Variants in TRPM3 observed in about 807,000 individuals in gnomAD.
The protein encoded by TRPM3 is long transient receptor potential channel 3.
In TRPM3, 77 loss-of-function variants were observed where a neutral mutation model predicts 181.2. The observed-to-expected ratio is 0.42, with a 90% CI of 0.35 to 0.51. The LOEUF (loss-of-function observed/expected upper bound fraction) is 0.51. TRPM3 is among the 20% of genes least tolerant of loss of function. The pLI is 0.01. For synonymous variants in TRPM3, 745 were observed against 796.4 expected (o/e 0.94, Z 1.09); for missense variants, 1,759 against 2,196.7 (o/e 0.80, Z 3.98).
intron 1 of TRPM3, among the ~76,000 whole-genome samples, chr9:71,166,650 A>C (rs1196111606): frequency 2.0e-5 from 3 of 152,226 alleles, no homozygotes; most frequent in Non-Finnish European, 4.4e-5. Flanking sequence ...TGAAGAAATA[A>C]AAATATAATG....
At chr9:71,315,952 C>G (rs2088548098) in intron 1 of TRPM3, among the ~76,000 whole-genome samples, 1 of 151,948 alleles carries the variant, frequency 6.6e-6, no homozygotes, top group South Asian at 2.1e-4. Context: ...TCCTGTGGAC[C>G]CTAAATATAC....
chr9:70,699,477 T>G (rs902925737), intron 8 of TRPM3, among the ~76,000 whole-genome samples: 1 of 152,138 alleles, frequency 6.6e-6, no homozygotes, highest in Non-Finnish European at 1.5e-5. Flanking sequence ...AGGCAACTTA[T>G]AAAAAATCAA....
chr9:71,025,121 C>T (rs888853074), intron 1 of TRPM3, among the ~76,000 whole-genome samples: 1 of 152,184 alleles, frequency 6.6e-6, no homozygotes, highest in African/African-American at 2.4e-5. Context: ...GTATTTATTT[C>T]TTACCAAAGT....
chr9:70,979,670 C>T (rs532951620), intron 1 of TRPM3, among the ~76,000 whole-genome samples: 14 of 152,290 alleles, frequency 9.2e-5, no homozygotes, highest in Non-Finnish European at 1.8e-4. Context: ...CCACCCCCTA[C>T]CCACACAAAC....
intron 22 of TRPM3, among the ~76,000 whole-genome samples, chr9:70,568,199 A>G (rs558127524): frequency 6.6e-6 from 1 of 152,378 alleles, no homozygotes; most frequent in Admixed American, 6.5e-5. Flanking sequence ...ACATGCACAG[A>G]CACAAGGCAA....
At chr9:70,690,637 A>C (rs1409553079) in intron 8 of TRPM3, among the ~76,000 whole-genome samples, 3 of 152,182 alleles carry the variant, frequency 2.0e-5, no homozygotes, top group African/African-American at 7.2e-5. Flanking sequence ...CCGCCAGCTT[A>C]GCATAATGTT....
At chr9:70,555,086 T>A (rs913374756) in intron 22 of TRPM3, among the ~76,000 whole-genome samples, 1 of 152,196 alleles carries the variant, frequency 6.6e-6, no homozygotes, top group Non-Finnish European at 1.5e-5. Flanking sequence ...CAAACTGGAC[T>A]GAGTTTCCTG....
At chr9:70,633,202 C>T (rs1199037367) in intron 12 of TRPM3, among the ~76,000 whole-genome samples, 1 of 152,132 alleles carries the variant, frequency 6.6e-6, no homozygotes, top group East Asian at 1.9e-4. Flanking sequence ...GGAGAGAATA[C>T]TCCAAGTCAT....
At chr9:71,036,117 A>C (rs947761594) in intron 1 of TRPM3, among the ~76,000 whole-genome samples, 1 of 151,490 alleles carries the variant, frequency 6.6e-6, no homozygotes, top group African/African-American at 2.4e-5. Context: ...TCTATCTTCT[A>C]AGCATTTAAG....
chr9:70,849,124 A>C (rs979972877), intron 3 of TRPM3, among the ~76,000 whole-genome samples: 7 of 152,132 alleles, frequency 4.6e-5, no homozygotes, highest in Non-Finnish European at 8.8e-5. Context: ...CCTTCACTGA[A>C]GGAAGTTGTT....
At chr9:71,205,531 G>C (rs1444241801) in intron 1 of TRPM3, among the ~76,000 whole-genome samples, 3 of 152,090 alleles carry the variant, frequency 2.0e-5, no homozygotes, top group African/African-American at 7.2e-5. Context: ...AAGTTTGTTG[G>C]CCAAACACTT....
intron 22 of TRPM3, among the ~76,000 whole-genome samples, chr9:70,579,002 ACTGCCC>A: frequency 6.6e-6 from 1 of 152,152 alleles, no homozygotes; most frequent in East Asian, 1.9e-4. Context: ...AGGGGGTGCA[ACTGCCC>A]CTGGTTGAGA....
At chr9:71,210,576 A>G (rs747466869) in intron 1 of TRPM3, among the ~76,000 whole-genome samples, 7 of 152,094 alleles carry the variant, frequency 4.6e-5, no homozygotes, top group Non-Finnish European at 1.0e-4. Context: ...GAGGCCCCAG[A>G]GTTTTGACCC....
intron 1 of TRPM3, among the ~76,000 whole-genome samples, chr9:70,995,827 C>T (rs1458893003): frequency 6.6e-6 from 1 of 152,156 alleles, no homozygotes; most frequent in Non-Finnish European, 1.5e-5. Flanking sequence ...CACACAAATG[C>T]TTATTTACTT....
intron 1 of TRPM3, among the ~76,000 whole-genome samples, chr9:71,218,446 T>G (rs545175364): frequency 2.6e-5 from 4 of 152,350 alleles, no homozygotes; most frequent in Admixed American, 6.5e-5. Flanking sequence ...TTGCCCAAGG[T>G]AACATCATAA....
At chr9:71,227,939 T>G (rs2080796708) in intron 1 of TRPM3, among the ~76,000 whole-genome samples, 1 of 152,130 alleles carries the variant, frequency 6.6e-6, no homozygotes, top group Non-Finnish European at 1.5e-5. Context: ...ATTCTAACTA[T>G]TCCAAAAAAA....
intron 3 of TRPM3, among the ~76,000 whole-genome samples, chr9:70,848,608 G>T (rs1005794679): frequency 5.9e-5 from 9 of 152,160 alleles, no homozygotes; most frequent in Non-Finnish European, 1.3e-4. Context: ...CATGTACAAA[G>T]AATAGTCATT....
In TRPM3 at chr9:70,547,375, C is replaced by T. The variant is rs548424849; in HGVS notation, c.3707+2167G>A. On this transcript the variant is annotated intron_variant, in intron 25 of 25. Transcript: ENST00000677713. ...AAGACAGGTGATTTCACCTGCCACT[C>T]CACTCAGAAAGGACATGTTCTAGAA... 6.6e-5 allele frequency among the ~76,000 whole-genome samples: 10 copies of T among 152,148 alleles called. No homozygotes were observed. The South Asian group carries it at 2.1e-3, about 32-fold the overall frequency.
At chr9:71,265,190 A>G (rs1179386399) in intron 1 of TRPM3, among the ~76,000 whole-genome samples, 1 of 152,230 alleles carries the variant, frequency 6.6e-6, no homozygotes, top group Non-Finnish European at 1.5e-5. Context: ...TACTTACAAA[A>G]TATGTTATAC....
Sources: gnomAD v4.1 joint callset for allele counts (sites outside exome capture counted in the v4.1 genomes callset) on GRCh38, gnomAD v4.1.1 for gene constraint, MANE v1.5 for transcripts, NCBI Gene and HGNC (gene_info 2026-07-23, HGNC 2026-07-21) for gene names.